ZNF710: variants seen among roughly 807,000 people sequenced by gnomAD.
The protein encoded by ZNF710 is zinc finger protein 710.
A neutral mutation model predicts 50.6 loss-of-function variants in ZNF710; 13 were observed. The observed-to-expected ratio is 0.26, with a 90% CI of 0.17 to 0.41. The LOEUF is 0.41. Among genes scored for constraint, ZNF710 ranks in the 10% least tolerant of loss-of-function variants. ZNF710 has a pLI of 1.00. For missense variants in ZNF710, 721 were observed against 936.6 expected (o/e 0.77, Z 3.01); for synonymous variants, 383 against 397.0 (o/e 0.96, Z 0.42).
Position 90,062,002 on chromosome 15 carries a change from C to T in ZNF710, c.-28-5108C>T, listed in dbSNP as rs1031433682. Among the ~76,000 whole-genome samples the T allele has an allele frequency of 3.3e-5, 5 of 151,822 alleles. No homozygotes were observed. Among genetic ancestry groups the T allele is most frequent in the African/African-American group, 1.2e-4 (5 of 41,276 alleles). On this transcript the variant is annotated intron_variant, in intron 1 of 4. Transcript: ENST00000268154. This position sits in a 1 kb window ranked among gnomAD's most constrained non-coding sequence, Gnocchi z 5.6. ...GGCCCCCAGACGATGAGTCTTTGTT[C>T]CCTCCCCAGGGGCTGGCCTGGCCCT...
intron 1 of ZNF710, among the ~76,000 whole-genome samples, chr15:90,054,943 G>C (rs1279276976): frequency 6.6e-6 from 1 of 152,158 alleles, no homozygotes; most frequent in Admixed American, 6.6e-5. Context: ...AGCTGGTCTC[G>C]GCAAGGGGCC....
chr15:90,071,701 C>T (rs1401819262), intron 2 of ZNF710, among the ~76,000 whole-genome samples: 3 of 134,432 alleles, frequency 2.2e-5, no homozygotes, highest in Admixed American at 8.0e-5. Context: ...TTTTTTGAGA[C>T]GGAGGCTTAC....
At chr15:90,055,207 T>C (rs1360289337) in intron 1 of ZNF710, among the ~76,000 whole-genome samples, 1 of 152,146 alleles carries the variant, frequency 6.6e-6, no homozygotes, top group African/African-American at 2.4e-5. Flanking sequence ...AATTTGAGAT[T>C]GCACAGGACC....
Position 90,067,203 on chromosome 15 carries a change from C to G in ZNF710, c.66C>G (p.Ala22=), listed in dbSNP as rs200431054. The G allele has an allele frequency of 6.2e-6, 10 of 1,613,754 alleles. No individual in the cohort carries two copies. In the East Asian group the frequency reaches 6.7e-5, roughly 11 times the overall value. ...DAVVVLSLAQ[A]AVLGLVSENE... ...TGGTGGTGCTGTCCTTGGCTCAGGCCGCCGTGCTTGGCCTGGTCTCCGAAA... is the reference window on the plus strand; with the variant it reads ...TGGTGGTGCTGTCCTTGGCTCAGGCGGCCGTGCTTGGCCTGGTCTCCGAAA... The change falls in exon 2 of 5, where the codon GCC becomes GCG. Residue 22 remains alanine (A), a synonymous_variant. Coordinates refer to ENST00000268154, the MANE Select transcript of ZNF710 (RefSeq NM_198526.4). This position sits in a 1 kb window ranked among gnomAD's most constrained non-coding sequence, Gnocchi z 8.1.
At chr15:89,998,339 G>C (rs1897960576), upstream of ZNF710, among the ~76,000 whole-genome samples, 1 of 152,150 alleles carries the variant, frequency 6.6e-6, no homozygotes, top group African/African-American at 2.4e-5. Context: ...ATTTCATGAG[G>C]CCCATCCTCT....
upstream of ZNF710, among the ~76,000 whole-genome samples, chr15:90,000,433 G>A (rs1567214811): frequency 6.6e-6 from 1 of 152,060 alleles, no homozygotes; most frequent in Non-Finnish European, 1.5e-5. Context: ...CCTGACGGCC[G>A]CGCTGCCAGC....
chr15:90,058,728 T>TATATATATATATGTATGTATATATAC (rs1555458604), intron 1 of ZNF710, among the ~76,000 whole-genome samples: 1 of 145,936 alleles, frequency 6.9e-6, no homozygotes, highest in African/African-American at 2.7e-5. Context: ...TACACACATA[T>TATATATATATATGTATGTATATATAC]ACACACACAC....
intron 1 of ZNF710, among the ~76,000 whole-genome samples, chr15:90,003,147 C>T (rs1434852218): frequency 6.6e-6 from 1 of 152,190 alleles, no homozygotes; most frequent in African/African-American, 2.4e-5. Context: ...GTGCTGGGAT[C>T]ACAAGGACTC....
In ZNF710 at chr15:90,079,676, G is replaced by T; in HGVS notation, c.1842G>T (p.Leu614=). Residue 614 remains leucine, a synonymous_variant, in exon 5 of 5, where the codon CTG becomes CTT. Coordinates refer to ENST00000268154, the MANE Select transcript of ZNF710 (RefSeq NM_198526.4). ...GLDSQDPMME[L]TGTDPSELDG... ...CTCTTACAGACCCCATGATGGAGCT[G>T]ACAGGCACTGACCCTTCAGAGCTCG... is the stretch of plus-strand genomic sequence containing the variant. The T allele has an allele frequency of 1.2e-6, 2 of 1,613,708 alleles. No homozygotes were observed. The highest frequency in any genetic ancestry group is 8.5e-7 in the Non-Finnish European group (1 of 1,179,852).
chr15:90,074,070 A>G (rs1229857203), intron 3 of ZNF710, 46 bp from the exon 4 acceptor site: 2 of 1,570,886 alleles, frequency 1.3e-6, no homozygotes, highest in Non-Finnish European at 1.7e-6. Flanking sequence ...GGTCCGGGGA[A>G]AGCAGGTTCC....
intron 1 of ZNF710, among the ~76,000 whole-genome samples, chr15:90,050,883 G>A (rs1899619339): frequency 6.6e-6 from 1 of 152,122 alleles, no homozygotes; most frequent in Admixed American, 6.5e-5. Flanking sequence ...TGAGACTGGG[G>A]ATCTTTGTGC....
chr15:90,017,783 G>C (rs1446748499), intron 1 of ZNF710, among the ~76,000 whole-genome samples: 1 of 152,056 alleles, frequency 6.6e-6, no homozygotes, highest in African/African-American at 2.4e-5. Context: ...GAAGCACCCA[G>C]GAAACGGTTC....
intron 1 of ZNF710, among the ~76,000 whole-genome samples, chr15:90,024,325 G>A (rs1189280190): frequency 1.3e-5 from 2 of 152,162 alleles, no homozygotes; most frequent in Admixed American, 1.3e-4. Flanking sequence ...GACTTTCTAG[G>A]AGTGTCTTCC....
intron 1 of ZNF710, among the ~76,000 whole-genome samples, chr15:90,036,549 C>T (rs1596280320): frequency 6.6e-6 from 1 of 152,172 alleles, no homozygotes; most frequent in African/African-American, 2.4e-5. Context: ...CCACCTCCTC[C>T]CCACATTCAG....
chr15:90,023,730 G>A (rs1898690084), intron 1 of ZNF710, among the ~76,000 whole-genome samples: 1 of 152,148 alleles, frequency 6.6e-6, no homozygotes, highest in Admixed American at 6.5e-5. Flanking sequence ...AGGCATGGTG[G>A]CTCACACCTG....
intron 1 of ZNF710, among the ~76,000 whole-genome samples, chr15:90,013,964 T>C (rs1898382303): frequency 6.6e-6 from 1 of 152,200 alleles, no homozygotes; most frequent in Admixed American, 6.5e-5. Flanking sequence ...GTATCATTTA[T>C]TTCTGGAGCC....
At chr15:90,042,735 G>A (rs529851968) in intron 1 of ZNF710, among the ~76,000 whole-genome samples, 1 of 152,298 alleles carries the variant, frequency 6.6e-6, no homozygotes, top group East Asian at 1.9e-4. Flanking sequence ...GGAGACACAC[G>A]GTCACTAGAC....
chr15:90,032,976 A>G (rs1021865056), intron 1 of ZNF710, among the ~76,000 whole-genome samples: 1 of 152,110 alleles, frequency 6.6e-6, no homozygotes, highest in African/African-American at 2.4e-5. Flanking sequence ...TTAAGAGGAA[A>G]TATATATCTG....
At chr15:90,053,211 G>T (rs545337715) in intron 1 of ZNF710, among the ~76,000 whole-genome samples, 1 of 152,332 alleles carries the variant, frequency 6.6e-6, no homozygotes, top group South Asian at 2.1e-4. Flanking sequence ...GAGTGAGGGA[G>T]CTGGGCACCC....
Sources: gnomAD v4.1 joint callset for allele counts (sites outside exome capture counted in the v4.1 genomes callset) on GRCh38, gnomAD v4.1.1 for gene constraint, Gnocchi (gnomAD v3.1) non-coding constraint, MANE v1.5 for transcripts, NCBI Gene and HGNC (gene_info 2026-07-23, HGNC 2026-07-21) for gene names.